The following MAPK6 variants were observed in gnomAD, a reference collection of about 807,000 sequenced individuals.
MAPK6 encodes ERK-3.
Under a neutral mutation model 59.3 loss-of-function variants are expected in MAPK6, and 19 were observed. That is an observed-to-expected ratio of 0.32 (90% confidence interval 0.22 to 0.47). The LOEUF (loss-of-function observed/expected upper bound fraction) is 0.47. Ranked by LOEUF, MAPK6 falls within the 20% of genes least tolerant of loss-of-function variation. The pLI is 1.00. For missense variants in MAPK6, 724 were observed against 847.9 expected (o/e 0.85, Z 1.81); for synonymous variants, 316 against 290.3 (o/e 1.09, Z -0.90).
At chr15:51,990,987 G>A (rs1388008426) in intron 2 of MAPK6, among the ~76,000 whole-genome samples, 3 of 151,830 alleles carry the variant, frequency 2.0e-5, no homozygotes, top group Non-Finnish European at 4.4e-5. Flanking sequence ...AATTAGTCGG[G>A]TGTGAGGGCA....
Position 52,020,457 on chromosome 15 carries a change from C to CT in MAPK6, c.-632+1093dup, listed in dbSNP as rs561016443. Reference sequence around the variant, plus strand: ...GCTAAAGATGCAGTCTCAGTAATGACTTTTTTTTTTTTAACGGATACAGAT... The same window carrying CT: ...GCTAAAGATGCAGTCTCAGTAATGACTTTTTTTTTTTTTAACGGATACAGAT... On this transcript the variant is annotated intron_variant, in intron 1 of 5. Transcript: ENST00000261845. 3.6e-3 allele frequency among the ~76,000 whole-genome samples: 527 copies of CT among 145,986 alleles called. 5 individuals carry two copies. The highest frequency in any genetic ancestry group is 8.4e-3 in the African/African-American group (335 of 40,076).
At chr15:52,001,172 T>A (rs2057240872) in intron 2 of MAPK6, among the ~76,000 whole-genome samples, 1 of 152,160 alleles carries the variant, frequency 6.6e-6, no homozygotes, top group Non-Finnish European at 1.5e-5. Flanking sequence ...CCTTCCACTT[T>A]CTGTCATGTG....
At chr15:52,020,475 A>T (rs186591550) in intron 1 of MAPK6, among the ~76,000 whole-genome samples, 31 of 151,402 alleles carry the variant, frequency 2.0e-4, no homozygotes, top group Non-Finnish European at 3.4e-4. Context: ...TTTTTAACGG[A>T]TACAGATGAT....
At chr15:52,049,727 G>A (rs1014452874) in intron 2 of MAPK6, among the ~76,000 whole-genome samples, 1 of 149,282 alleles carries the variant, frequency 6.7e-6, no homozygotes. Flanking sequence ...CGATTCTCCT[G>A]GCTCAGCCTC....
At chr15:52,001,951 A>G (rs2057243354) in intron 2 of MAPK6, among the ~76,000 whole-genome samples, 1 of 152,058 alleles carries the variant, frequency 6.6e-6, no homozygotes, top group Non-Finnish European at 1.5e-5. Flanking sequence ...CCCAACCAGA[A>G]CCCTGACCTA....
intron 2 of MAPK6, among the ~76,000 whole-genome samples, chr15:52,003,721 C>T (rs1357505908): frequency 6.6e-6 from 1 of 152,180 alleles, no homozygotes; most frequent in African/African-American, 2.4e-5. Context: ...CAGACTTACA[C>T]AAATTAAATG....
intron 2 of MAPK6, among the ~76,000 whole-genome samples, chr15:52,000,720 C>A (rs552590722): frequency 6.6e-6 from 1 of 151,812 alleles, no homozygotes; most frequent in Admixed American, 6.6e-5. Flanking sequence ...GAAGGGGAAT[C>A]TCCCAGAAGG....
intron 3 of MAPK6, chr15:52,056,669 C>G (rs1258095317): frequency 3.3e-5 from 5 of 152,276 alleles, no homozygotes; most frequent in Admixed American, 2.0e-4. Flanking sequence ...GCACGCCACT[C>G]TTGAATTCTT....
chr15:51,978,481 G>C (rs1036768898), intron 1 of MAPK6, among the ~76,000 whole-genome samples: 1 of 151,616 alleles, frequency 6.6e-6, no homozygotes, highest in Non-Finnish European at 1.5e-5. Context: ...CACCCAGCAG[G>C]GGCTGACCAG....
chr15:52,012,220 C>G (rs1053595808), intron 3 of MAPK6, among the ~76,000 whole-genome samples: 2 of 152,204 alleles, frequency 1.3e-5, no homozygotes, highest in Non-Finnish European at 2.9e-5. Context: ...AGACCCAATT[C>G]TCACATCTTT....
chr15:51,989,143 G>C (rs1270703588), intron 2 of MAPK6, among the ~76,000 whole-genome samples: 2 of 147,214 alleles, frequency 1.4e-5, no homozygotes, highest in Non-Finnish European at 3.0e-5. Flanking sequence ...ACAATGGCAT[G>C]ATCTTGGCTC....
intron 1 of MAPK6, among the ~76,000 whole-genome samples, chr15:51,974,720 T>A (rs892425569): frequency 6.7e-6 from 1 of 149,868 alleles, no homozygotes; most frequent in Non-Finnish European, 1.5e-5. Context: ...GGAGAATTTC[T>A]TTTTTCCCCC....
At chr15:51,974,636 G>A (rs2057151918) in intron 1 of MAPK6, among the ~76,000 whole-genome samples, 1 of 132,398 alleles carries the variant, frequency 7.6e-6, no homozygotes, top group Non-Finnish European at 1.6e-5. Flanking sequence ...CCGAGCCTGG[G>A]AGACAGAGCG....
chr15:51,998,687 ATTTTTT>A (rs964775744), intron 2 of MAPK6, among the ~76,000 whole-genome samples: 5 of 38,494 alleles, frequency 1.3e-4, no homozygotes, highest in Admixed American at 5.6e-4. Flanking sequence ...TGCCTGGTTA[ATTTTTT>A]TTTTTTTTTT....
intron 1 of MAPK6, among the ~76,000 whole-genome samples, chr15:51,982,666 G>A (rs2554313): frequency 0.12 from 17,751 of 151,822 alleles, 2,533 homozygotes; most frequent in African/African-American, 0.33. Flanking sequence ...GTGTTTTTTC[G>A]TGTTTTTCCC....
intron 3 of MAPK6, among the ~76,000 whole-genome samples, chr15:52,013,920 T>C (rs2030161636): frequency 6.6e-6 from 1 of 152,210 alleles, no homozygotes; most frequent in South Asian, 2.1e-4. Flanking sequence ...CTACTCTCTT[T>C]AGTGTAAAAT....
In MAPK6 at chr15:52,064,037, T is replaced by C; in HGVS notation, c.1203T>C (p.Tyr401=). 2 of 1,613,790 alleles carry C rather than the reference T, an allele frequency of 1.2e-6. No individual in the cohort carries two copies. Among genetic ancestry groups the C allele is most frequent in the Non-Finnish European group, 8.5e-7 (1 of 1,179,788 alleles). ...AAGTACAAGTTGATCCCCGAAAATA[T>C]TTGGATGGAGATCGGGAAAAGTATC... ...EEEVQVDPRK[Y]LDGDREKYLE... The change falls in exon 6 of 6, where the codon TAT becomes TAC. Residue 401 remains tyrosine, a synonymous_variant. Coordinates refer to ENST00000261845, the MANE Select transcript of MAPK6 (RefSeq NM_002748.4).
At chr15:52,014,036 A>C (rs1480572461) in intron 3 of MAPK6, among the ~76,000 whole-genome samples, 1 of 150,788 alleles carries the variant, frequency 6.6e-6, no homozygotes, top group Non-Finnish European at 1.5e-5. Flanking sequence ...TGTGCCCTGC[A>C]TGCTCATGTC....
chr15:52,044,780 C>T (rs2031545269), intron 1 of MAPK6, among the ~76,000 whole-genome samples: 1 of 151,902 alleles, frequency 6.6e-6, no homozygotes, highest in Non-Finnish European at 1.5e-5. Context: ...ATATACATAC[C>T]ACCCAGCTCT....
Sources: gnomAD v4.1 joint callset for allele counts (sites outside exome capture counted in the v4.1 genomes callset) on GRCh38, gnomAD v4.1.1 for gene constraint, MANE v1.5 for transcripts, NCBI Gene and HGNC (gene_info 2026-07-23, HGNC 2026-07-21) for gene names.